The following C10orf67 variants were observed in gnomAD, a reference collection of about 807,000 sequenced individuals.
C10orf67 encodes uncharacterized protein C10orf67, mitochondrial.
C10orf67 carries 60 observed loss-of-function variants against 35.6 expected under a neutral mutation model. That is an observed-to-expected ratio of 1.68 (90% CI 1.37 to 2.09). C10orf67 has a LOEUF of 2.09. Ranked by LOEUF, C10orf67 falls within the 30% of genes most tolerant of loss-of-function variation. C10orf67 has a pLI of 0.00. For synonymous variants in C10orf67, 167 were observed against 115.8 expected, an observed-to-expected ratio of 1.44 and a Z score of -2.84; for missense variants, 474 against 330.2, an observed-to-expected ratio of 1.44 and a Z score of -3.38.
At chr10:23,246,839 G>A (rs112955770) in intron 12 of C10orf67, among the ~76,000 whole-genome samples, 220 of 152,256 alleles carry the variant, frequency 1.4e-3, no homozygotes, top group South Asian at 4.6e-3. Context: ...ATATAAGTAT[G>A]TTTGAGACAG....
chr10:23,303,112 T>C, intron 5 of C10orf67, among the ~76,000 whole-genome samples, 192 bp downstream of exon 5: 1 of 152,242 alleles, frequency 6.6e-6, no homozygotes, highest in Non-Finnish European at 1.5e-5. Flanking sequence ...TTCATTATAT[T>C]GCTCCTATTC....
chr10:23,240,020 A>G (rs894000359), intron 12 of C10orf67, among the ~76,000 whole-genome samples: 2 of 152,126 alleles, frequency 1.3e-5, no homozygotes, highest in African/African-American at 2.4e-5. Context: ...CCCCATCTTT[A>G]CAAACAATAA....
intron 10 of C10orf67, among the ~76,000 whole-genome samples, chr10:23,265,264 A>C (rs2132193649): frequency 6.6e-6 from 1 of 152,312 alleles, no homozygotes; most frequent in South Asian, 2.1e-4. Context: ...CATCTCCTGG[A>C]GAGTGGGCAC....
At chr10:23,328,832 A>C (rs976479948) in intron 2 of C10orf67, among the ~76,000 whole-genome samples, 1 of 151,716 alleles carries the variant, frequency 6.6e-6, no homozygotes, top group Non-Finnish European at 1.5e-5. Flanking sequence ...AAAAATTGTA[A>C]AAATTAGCCA....
chr10:23,281,576 C>A (rs547294355), intron 8 of C10orf67, among the ~76,000 whole-genome samples: 433 of 152,192 alleles, frequency 2.8e-3, no homozygotes, highest in African/African-American at 9.8e-3. Context: ...CTGGAAAGTT[C>A]TCTTAAAAGA....
intron 8 of C10orf67, among the ~76,000 whole-genome samples, chr10:23,281,471 G>T (rs1192584578): frequency 6.6e-6 from 1 of 151,952 alleles, no homozygotes; most frequent in Non-Finnish European, 1.5e-5. Flanking sequence ...GTAATCAGCT[G>T]AAAGCCAAAT....
chr10:23,231,495 A>T (rs1049269439), intron 13 of C10orf67, among the ~76,000 whole-genome samples: 2 of 152,194 alleles, frequency 1.3e-5, no homozygotes, highest in Non-Finnish European at 2.9e-5. Context: ...CTCATGGGGC[A>T]TTATCCTGCC....
At chr10:23,323,952 T>TAC (rs747699026) in intron 2 of C10orf67, among the ~76,000 whole-genome samples, 804 of 64,534 alleles carry the variant, frequency 0.012, 68 homozygotes, top group African/African-American at 0.017. Context: ...TATATATATA[T>TAC]ACACACACAC....
chr10:23,275,240 C>T (rs978283751), intron 8 of C10orf67, among the ~76,000 whole-genome samples: 2 of 152,142 alleles, frequency 1.3e-5, no homozygotes, highest in Non-Finnish European at 2.9e-5. Context: ...GTCCCAGCTA[C>T]TTGGGAGGCT....
chr10:23,261,122 T>C (rs1301065032), intron 10 of C10orf67, among the ~76,000 whole-genome samples: 2 of 152,184 alleles, frequency 1.3e-5, no homozygotes, highest in Non-Finnish European at 2.9e-5. Context: ...CAGTGCTTCA[T>C]GGTATTAGGT....
chr10:23,257,701 G>A (rs762313768), intron 10 of C10orf67, among the ~76,000 whole-genome samples: 7 of 152,144 alleles, frequency 4.6e-5, no homozygotes, highest in African/African-American at 1.7e-4. Flanking sequence ...TGCTTGGGAG[G>A]CTGAGGTGGG....
At chr10:23,304,306 C>T (rs10828425) in intron 4 of C10orf67, among the ~76,000 whole-genome samples, 9,644 of 152,246 alleles carry the variant, frequency 0.063, 1,258 homozygotes, top group East Asian at 0.62. Flanking sequence ...CAGGGGCTTG[C>T]TGAAAGCTAT....
chr10:23,298,110 C>T (rs1158919055), intron 5 of C10orf67, among the ~76,000 whole-genome samples: 1 of 152,070 alleles, frequency 6.6e-6, no homozygotes, highest in Non-Finnish European at 1.5e-5. Flanking sequence ...AAAAAATCAG[C>T]CAGGCGTGGT....
intron 4 of C10orf67, chr10:23,318,032 T>TTTAAGG (rs1379505275): frequency 6.9e-6 from 1 of 144,156 alleles, no homozygotes; most frequent in Non-Finnish European, 1.5e-5. Flanking sequence ...AGTCCAGAAG[T>TTTAAGG]TTAAGGCTAC....
chr10:23,227,131 C>A (rs1245264724), intron 13 of C10orf67, among the ~76,000 whole-genome samples: 2 of 152,058 alleles, frequency 1.3e-5, no homozygotes, highest in Admixed American at 6.6e-5. Flanking sequence ...GGCAGACACA[C>A]AACAAAAGAA....
At chr10:23,325,532 CAAA>C (rs869275809) in intron 2 of C10orf67, among the ~76,000 whole-genome samples, 83 of 92,902 alleles carry the variant, frequency 8.9e-4, no homozygotes, top group African/African-American at 2.2e-3. Flanking sequence ...TAATTGTGTG[CAAA>C]AAAAAAAAAA....
At chr10:23,232,428 A>G (rs1841936414) in intron 13 of C10orf67, among the ~76,000 whole-genome samples, 2 of 152,222 alleles carry the variant, frequency 1.3e-5, no homozygotes, top group Non-Finnish European at 2.9e-5. Flanking sequence ...AATATTTGAG[A>G]TAGCAAAGAG....
At chr10:23,221,212 C>T (rs1028662488) in intron 15 of C10orf67, among the ~76,000 whole-genome samples, 1 of 152,048 alleles carries the variant, frequency 6.6e-6, no homozygotes, top group Admixed American at 6.6e-5. Context: ...GCATGTCTTA[C>T]AATGGAGGAG....
chr10:23,323,952 T>TATATATAC (rs1564513730), intron 2 of C10orf67, among the ~76,000 whole-genome samples: 13 of 64,680 alleles, frequency 2.0e-4, no homozygotes, highest in Non-Finnish European at 3.0e-4. Context: ...TATATATATA[T>TATATATAC]ACACACACAC....
Sources: allele counts gnomAD v4.1 joint callset (sites outside exome capture counted in the v4.1 genomes callset), GRCh38; gene constraint gnomAD v4.1.1; transcripts MANE v1.5; gene names NCBI Gene and HGNC (gene_info 2026-07-23, HGNC 2026-07-21).